SLC25A13: variants seen among roughly 807,000 people sequenced by gnomAD.
The protein encoded by SLC25A13 is solute carrier family 25 member 13.
Under a neutral mutation model 85.5 loss-of-function variants are expected in SLC25A13, and 70 were observed. That is an observed-to-expected ratio of 0.82 (90% CI 0.68 to 1.00). The LOEUF (loss-of-function observed/expected upper bound fraction) is 1.00. Among genes scored for constraint, SLC25A13 ranks in the 50% least tolerant of loss-of-function variants. SLC25A13 has a pLI of 0.00. For missense variants in SLC25A13, 765 were observed against 819.8 expected, an observed-to-expected ratio of 0.93 and a Z score of 0.82; for synonymous variants, 259 against 288.7, an observed-to-expected ratio of 0.90 and a Z score of 1.04.
intron 11 of SLC25A13, among the ~76,000 whole-genome samples, chr7:96,176,525 G>A (rs1229129386): frequency 1.3e-5 from 2 of 152,206 alleles, no homozygotes; most frequent in African/African-American, 2.4e-5. Flanking sequence ...ACAGGGTACA[G>A]TATTAATGTA....
At chr7:96,220,525 G>A (rs1281452586) in intron 4 of SLC25A13, among the ~76,000 whole-genome samples, 1 of 152,134 alleles carries the variant, frequency 6.6e-6, no homozygotes, top group African/African-American at 2.4e-5. Context: ...GAAGAAATCA[G>A]TCATTAGCAG....
chr7:96,283,603 G>A, intron 2 of SLC25A13: 1 of 314,676 alleles, frequency 3.2e-6, no homozygotes, highest in South Asian at 3.1e-5. Context: ...TTAAGGGCAA[G>A]ACTCTTGCTA....
intron 11 of SLC25A13, among the ~76,000 whole-genome samples, chr7:96,178,732 G>A (rs947844970): frequency 1.3e-5 from 2 of 152,046 alleles, no homozygotes; most frequent in African/African-American, 4.8e-5. Flanking sequence ...TCCTGCTCCT[G>A]TTGCCATGCC....
intron 3 of SLC25A13, among the ~76,000 whole-genome samples, chr7:96,267,278 A>T (rs766058761): frequency 3.7e-4 from 57 of 152,312 alleles, no homozygotes; most frequent in Non-Finnish European, 6.5e-4. Flanking sequence ...TATAAAAATG[A>T]TTTTATCATC....
At chr7:96,308,354 T>A (rs1799836610) in intron 1 of SLC25A13, among the ~76,000 whole-genome samples, 1 of 152,224 alleles carries the variant, frequency 6.6e-6, no homozygotes, top group South Asian at 2.1e-4. Context: ...AGCAGATACC[T>A]GACCCCTGTG....
chr7:96,206,595 C>G (rs1795470673), intron 5 of SLC25A13, among the ~76,000 whole-genome samples: 1 of 152,114 alleles, frequency 6.6e-6, no homozygotes, highest in Non-Finnish European at 1.5e-5. Flanking sequence ...AAAAGCAAGG[C>G]CCTGACTGAG....
intron 14 of SLC25A13, among the ~76,000 whole-genome samples, 200 bp downstream of exon 14, chr7:96,146,356 T>C (rs1273062942): frequency 1.3e-5 from 2 of 152,006 alleles, no homozygotes; most frequent in African/African-American, 4.8e-5. Flanking sequence ...GATTTGTGTA[T>C]TGATGAGGAT....
At chr7:96,213,849 A>G (rs1795789963) in intron 4 of SLC25A13, among the ~76,000 whole-genome samples, 1 of 152,218 alleles carries the variant, frequency 6.6e-6, no homozygotes, top group African/African-American at 2.4e-5. Context: ...GCACTAGTAT[A>G]TATTTTGGAT....
chr7:96,219,861 A>G, intron 4 of SLC25A13: 1 of 422,134 alleles, frequency 2.4e-6, no homozygotes. Context: ...AAAATGGCTC[A>G]AGGCTGGCAG....
rs1800359411 is a variant in SLC25A13, at chr7:96,321,860, C to G, written c.15+82G>C. The G allele has an allele frequency of 1.4e-5, 20 of 1,457,628 alleles. No homozygotes were observed. The South Asian group carries it at 2.7e-4, about 19-fold the overall frequency. 90.3% of individuals were successfully genotyped at this position (1,457,628 alleles called of 1,614,324 possible). ...TTTTGCTCCGCCTGTGGCACCAACC[C>G]AGACACGTGAGCGCCCGAGCCTCTC... On this transcript the variant is annotated intron_variant, in intron 1 of 17. Transcript: ENST00000265631.
intron 2 of SLC25A13, among the ~76,000 whole-genome samples, chr7:96,293,060 C>T (rs1452038270): frequency 2.6e-4 from 39 of 152,174 alleles, no homozygotes; most frequent in African/African-American, 5.3e-4. Flanking sequence ...CAAAACAGCA[C>T]GGTACTGGTA....
chr7:96,171,516 G>A lies in SLC25A13; in HGVS notation c.1186C>T (p.Pro396Ser), dbSNP rs760401530. The A allele has an allele frequency of 6.2e-7, 1 of 1,612,578 alleles. No homozygotes were observed. The highest frequency in any genetic ancestry group is 8.5e-7 in the Non-Finnish European group (1 of 1,178,812). The part of the protein sequence containing the change: ...GFFGLYRGLL[P>S]QLLGVAPEKA... Reference sequence around the variant, plus strand: ...TCTGGGGCAACTCCCAATAACTGTGGCAACAGACCTAAAAATCAACAAAAA... The same window carrying A: ...TCTGGGGCAACTCCCAATAACTGTGACAACAGACCTAAAAATCAACAAAAA... The change falls in exon 12 of 18, where the codon CCA becomes TCA. Residue 396 changes from proline to serine, a missense_variant. By Grantham distance (74) the Pro-to-Ser change is moderately conservative. Coordinates refer to ENST00000265631, the MANE Select transcript of SLC25A13 (RefSeq NM_014251.3).
At chr7:96,240,647 G>A (rs1274565038) in intron 3 of SLC25A13, among the ~76,000 whole-genome samples, 1 of 151,686 alleles carries the variant, frequency 6.6e-6, no homozygotes, top group Non-Finnish European at 1.5e-5. Flanking sequence ...GGGAGGCCAA[G>A]GCAGAAGGAT....
rs1791518861 is a variant in SLC25A13, at chr7:96,121,765, T to A, written c.1751-20A>T. The A allele has an allele frequency of 6.2e-7, 1 of 1,613,724 alleles. No individual in the cohort carries two copies. The highest frequency in any genetic ancestry group is 1.3e-5 in the African/African-American group (1 of 74,866). On this transcript the variant is annotated intron_variant, in intron 16 of 17. Coordinates refer to ENST00000265631, the MANE Select transcript of SLC25A13 (RefSeq NM_014251.3). ...CACGAGCTTTAAAAAAATGGAGAAATCACAGATATAATTAGATATTTTAAA... is the reference window on the plus strand; with the variant it reads ...CACGAGCTTTAAAAAAATGGAGAAAACACAGATATAATTAGATATTTTAAA...
At chr7:96,293,826 T>C (rs1160614207) in intron 2 of SLC25A13, among the ~76,000 whole-genome samples, 1 of 152,214 alleles carries the variant, frequency 6.6e-6, no homozygotes, top group Non-Finnish European at 1.5e-5. Context: ...TTTTACACTG[T>C]TGGTGGGACT....
At chr7:96,142,138 T>G (rs909521985) in intron 14 of SLC25A13, among the ~76,000 whole-genome samples, 1 of 152,198 alleles carries the variant, frequency 6.6e-6, no homozygotes, top group Non-Finnish European at 1.5e-5. Context: ...CATTTTAATT[T>G]TAGATTCAGG....
intron 4 of SLC25A13, among the ~76,000 whole-genome samples, chr7:96,211,829 C>A (rs549623142): frequency 6.6e-6 from 1 of 152,178 alleles, no homozygotes; most frequent in Admixed American, 6.5e-5. Flanking sequence ...CAGTCAACAT[C>A]GTTTATCAAA....
intron 15 of SLC25A13, among the ~76,000 whole-genome samples, chr7:96,126,323 A>AT (rs959147820): frequency 2.0e-5 from 3 of 151,830 alleles, no homozygotes; most frequent in African/African-American, 7.3e-5. Context: ...CCATCACTTT[A>AT]TTTTTTCCTG....
At chr7:96,265,960 A>C (rs767700037) in intron 3 of SLC25A13, among the ~76,000 whole-genome samples, 6 of 152,124 alleles carry the variant, frequency 3.9e-5, no homozygotes, top group Non-Finnish European at 7.4e-5. Flanking sequence ...CAAAGGTACT[A>C]ATCCTATCTG....
Sources: gnomAD v4.1 joint callset for allele counts (sites outside exome capture counted in the v4.1 genomes callset) on GRCh38, gnomAD v4.1.1 for gene constraint, MANE v1.5 for transcripts, NCBI Gene and HGNC (gene_info 2026-07-23, HGNC 2026-07-21) for gene names.